The following UBE4B variants were observed in gnomAD, a reference collection of about 807,000 sequenced individuals.
UBE4B encodes the protein ubiquitination factor E4B, also known as ubiquitin conjugation factor E4 B.
UBE4B carries 27 observed loss-of-function variants against 148.1 expected under a neutral mutation model. That is an observed-to-expected ratio of 0.18 (90% CI 0.13 to 0.25). The LOEUF (loss-of-function observed/expected upper bound fraction) is 0.25, where lower values mean the gene tolerates loss of function less well. Among genes scored for constraint, UBE4B ranks in the 10% least tolerant of loss-of-function variants. UBE4B has a pLI of 1.00. For synonymous variants in UBE4B, 596 were observed against 619.3 expected (o/e 0.96, Z 0.56); for missense variants, 1,170 against 1,662.4 (o/e 0.70, Z 5.15).
chr1:10,052,342 G>A (rs1644066425), intron 1 of UBE4B, among the ~76,000 whole-genome samples: 1 of 152,132 alleles, frequency 6.6e-6, no homozygotes, highest in Non-Finnish European at 1.5e-5. Flanking sequence ...AAAATGCTGG[G>A]ATTATAGGCA....
intron 5 of UBE4B, 69 bp downstream of exon 5, chr1:10,103,161 C>T (rs1645043887): frequency 6.9e-7 from 1 of 1,454,970 alleles, no homozygotes; most frequent in African/African-American, 1.4e-5. Context: ...GATCTTTGCC[C>T]TCTGTTATCC....
At chr1:10,059,336 G>A in intron 1 of UBE4B, 1 of 167,714 alleles carries the variant, frequency 6.0e-6, no homozygotes, top group Non-Finnish European at 1.3e-5. Flanking sequence ...TACACTGTAG[G>A]GCACCTGCTC....
chr1:10,165,836 T>TAA (rs1349221719), intron 23 of UBE4B, among the ~76,000 whole-genome samples: 1 of 152,164 alleles, frequency 6.6e-6, no homozygotes, highest in Non-Finnish European at 1.5e-5. Flanking sequence ...CTGTCAGACT[T>TAA]ACTGTGTGTC....
chr1:10,177,244 GCA>G (rs1282934605), intron 25 of UBE4B, among the ~76,000 whole-genome samples: 1 of 151,362 alleles, frequency 6.6e-6, no homozygotes, highest in African/African-American at 2.4e-5. Flanking sequence ...TTTAGGCCGA[GCA>G]CAGTGGCTCA....
At chr1:10,088,229 T>C (rs1208082730) in intron 2 of UBE4B, among the ~76,000 whole-genome samples, 1 of 152,220 alleles carries the variant, frequency 6.6e-6, no homozygotes, top group African/African-American at 2.4e-5. Flanking sequence ...TTCTGCCTTT[T>C]GACACTAAGG....
intron 2 of UBE4B, chr1:10,072,744 G>T: frequency 2.5e-6 from 1 of 393,286 alleles, no homozygotes. Flanking sequence ...TTGATATCCA[G>T]GACTGTCTTT....
Position 10,132,371 on chromosome 1 carries a change from A to G in UBE4B, c.1914A>G (p.Gln638=). ...TTCTTTTTAAAAATAAATTTCAGCA[A>G]GAGCTTTTTAAGATTCTGCATAGTA... ...SLQHYLELGR[Q]ELFKILHSIL... Residue 638 remains glutamine, a splice_region_variant and synonymous_variant, in exon 15 of 28, where the codon CAA becomes CAG. Coordinates refer to ENST00000343090, the MANE Select transcript of UBE4B (RefSeq NM_001105562.3). 1 of 1,606,906 alleles carries G rather than the reference A, an allele frequency of 6.2e-7. No individual in the cohort carries two copies. Among genetic ancestry groups the G allele is most frequent in the Non-Finnish European group, 8.5e-7 (1 of 1,177,646 alleles).
chr1:10,168,035 C>A lies in UBE4B; in HGVS notation c.3199-101C>A. The A allele has an allele frequency of 1.4e-6, 2 of 1,385,324 alleles. No homozygotes were observed. Among genetic ancestry groups the A allele is most frequent in the Non-Finnish European group, 1.9e-6 (2 of 1,047,974 alleles). 85.8% of individuals were successfully genotyped at this position (1,385,324 alleles called of 1,614,324 possible). A position where few individuals can be genotyped will look rare whatever the true frequency, so the allele number is the denominator to read the frequency against. ...GCAGGCGGTTCTGTCATTCCCTAAG[C>A]ATGTTGGGTTTATCACGCACTTTCC... On this transcript the variant is annotated intron_variant, in intron 23 of 27. Transcript: ENST00000343090. This position sits in a 1 kb window ranked among gnomAD's most constrained non-coding sequence, Gnocchi z 4.9.
intron 26 of UBE4B, 114 bp from the exon 27 acceptor site, chr1:10,179,302 G>T: frequency 1.5e-6 from 2 of 1,358,256 alleles, no homozygotes; most frequent in East Asian, 2.3e-5. Context: ...CCTCACAGGG[G>T]CCCTTTGATT....
intron 15 of UBE4B, among the ~76,000 whole-genome samples, chr1:10,133,113 CTGCAAGGGCGTGAG>C (rs1645622979): frequency 6.6e-6 from 1 of 152,152 alleles, no homozygotes; most frequent in South Asian, 2.1e-4. Flanking sequence ...AAGAAGGCAG[CTGCAAGGGCGTGAG>C]TGCTTCGGTC....
chr1:10,103,419 A>C (rs1326427124), intron 5 of UBE4B, among the ~76,000 whole-genome samples: 5 of 145,656 alleles, frequency 3.4e-5, no homozygotes, highest in Admixed American at 2.1e-4. Context: ...TTATTTATTT[A>C]TTTATTTATT....
chr1:10,126,673 A>G, intron 10 of UBE4B, 121 bp from the exon 11 acceptor site: 1 of 815,946 alleles, frequency 1.2e-6, no homozygotes, highest in East Asian at 2.7e-5. Context: ...TATATGCAAA[A>G]AAGCTTTTCC....
rs113142133 is a variant in UBE4B, at chr1:10,111,086, C to CAT, written c.1196+4504_1196+4505insTA. ...ACACACACACACACACACACACACACACACACAGTCTTTCCACCATATCTA... is the reference window on the plus strand; with the variant it reads ...ACACACACACACACACACACACACACATACACACAGTCTTTCCACCATATCTA... On this transcript the variant is annotated intron_variant, in intron 7 of 27. Transcript: ENST00000343090. 3.1e-4 allele frequency among the ~76,000 whole-genome samples: 45 copies of CAT among 147,086 alleles called. 2 individuals carry two copies. The highest frequency in any genetic ancestry group is 1.1e-3 in the African/African-American group (42 of 37,726).
In UBE4B at chr1:10,175,373, C is replaced by T. The variant is rs567211551; in HGVS notation, c.3526-3271C>T. Among the ~76,000 whole-genome samples, 12 of 152,184 alleles carry T rather than the reference C, an allele frequency of 7.9e-5. No homozygotes were observed. In the South Asian group the frequency reaches 8.3e-4, roughly 11 times the overall value. On this transcript the variant is annotated intron_variant, in intron 25 of 27. Transcript: ENST00000343090. The stretch of plus-strand genomic sequence containing the variant: ...TACTTAGAAAATAAAAAAAAATAGC[C>T]GGGTGCAGTGGCTCACGCCTGTAAT...
intron 1 of UBE4B, among the ~76,000 whole-genome samples, chr1:10,049,892 CAAAAA>C (rs776583824): frequency 1.2e-5 from 1 of 85,164 alleles, no homozygotes. Flanking sequence ...GACCCTGTCT[CAAAAA>C]AAAAAAAAAA....
chr1:10,108,887 G>T, intron 7 of UBE4B, among the ~76,000 whole-genome samples: 1 of 152,128 alleles, frequency 6.6e-6, no homozygotes, highest in Non-Finnish European at 1.5e-5. Flanking sequence ...TGGTAAAAGT[G>T]CTGTGTTACC....
intron 21 of UBE4B, among the ~76,000 whole-genome samples, chr1:10,156,630 G>A (rs1277431779): frequency 2.0e-5 from 3 of 152,084 alleles, no homozygotes; most frequent in South Asian, 2.1e-4. Flanking sequence ...GATATGAGGC[G>A]TTGGGTTGGT....
intron 1 of UBE4B, among the ~76,000 whole-genome samples, chr1:10,046,889 TTTGCATGCGAATTGGCAA>T (rs1255274468): frequency 6.6e-6 from 1 of 152,228 alleles, no homozygotes; most frequent in Non-Finnish European, 1.5e-5. Flanking sequence ...CCCTTTCATC[TTTGCATGCGAATTGGCAA>T]GCTTTGGCTT....
chr1:10,033,714 C>T lies in UBE4B; in HGVS notation c.24+20C>T. On this transcript the variant is annotated intron_variant, in intron 1 of 27. Transcript: ENST00000343090. ...GATGAGGTGAGGAGGTTGGGGGACA[C>T]CTTGAGGGATTAGTTGGCAACTCGT... 1 of 1,551,180 alleles carries T rather than the reference C, an allele frequency of 6.4e-7. No homozygotes were observed. Among genetic ancestry groups the T allele is most frequent in the Non-Finnish European group, 8.7e-7 (1 of 1,149,518 alleles).
Sources: allele counts gnomAD v4.1 joint callset (sites outside exome capture counted in the v4.1 genomes callset), GRCh38; gene constraint gnomAD v4.1.1; non-coding constraint Gnocchi (gnomAD v3.1); transcripts MANE v1.5; gene names NCBI Gene and HGNC (gene_info 2026-07-23, HGNC 2026-07-21).